The following RANBP17 variants were observed in gnomAD, a reference collection of about 807,000 sequenced individuals.
RANBP17 encodes RAN binding protein 17, also known as ran-binding protein 17.
RANBP17 carries 158 observed loss-of-function variants against 141.2 expected under a neutral mutation model. The observed-to-expected ratio is 1.12, with a 90% CI of 0.98 to 1.28. RANBP17 has a LOEUF of 1.28. Ranked by LOEUF, RANBP17 falls within the 50% of genes most tolerant of loss-of-function variation. The pLI, the probability that RANBP17 is intolerant of heterozygous loss-of-function variation, is 0.00. For synonymous variants in RANBP17, 430 were observed against 450.0 expected (o/e 0.96, Z 0.56); for missense variants, 1,438 against 1,290.7 (o/e 1.11, Z -1.75).
chr5:171,002,095 G>C (rs1214604224), intron 14 of RANBP17, among the ~76,000 whole-genome samples: 1 of 152,184 alleles, frequency 6.6e-6, no homozygotes, highest in African/African-American at 2.4e-5. Context: ...CTTAGGGATA[G>C]ACCTCCACAA....
chr5:171,141,241 C>T (rs1176367950), intron 14 of RANBP17, among the ~76,000 whole-genome samples: 4 of 151,986 alleles, frequency 2.6e-5, no homozygotes, highest in Non-Finnish European at 4.4e-5. Flanking sequence ...AAAGTATACT[C>T]AGACTTACAA....
chr5:171,145,183 G>A (rs1464945186), intron 14 of RANBP17, among the ~76,000 whole-genome samples: 1 of 152,152 alleles, frequency 6.6e-6, no homozygotes, highest in Non-Finnish European at 1.5e-5. Context: ...TAGTAAGTAA[G>A]CTTAGCAGTG....
chr5:170,904,297 A>C, intron 5 of RANBP17: 1 of 258,394 alleles, frequency 3.9e-6, no homozygotes, highest in East Asian at 9.9e-5. Flanking sequence ...ACAAGAAAAA[A>C]GCTCACCTTC....
At chr5:171,071,128 T>TA (rs950730391) in intron 14 of RANBP17, among the ~76,000 whole-genome samples, 1 of 152,136 alleles carries the variant, frequency 6.6e-6, no homozygotes, top group African/African-American at 2.4e-5. Context: ...CAGCAAAACA[T>TA]ACAGTTCATG....
At chr5:171,020,549 G>A (rs879003747) in intron 14 of RANBP17, among the ~76,000 whole-genome samples, 1 of 150,114 alleles carries the variant, frequency 6.7e-6, no homozygotes, top group Admixed American at 6.6e-5. Context: ...TTTGGTCTTT[G>A]TTGTTTTAAA....
rs550939327 is a variant in RANBP17 at position 171,062,345 on chromosome 5, G to C, written c.1710+93968G>C. Among the ~76,000 whole-genome samples, 36 of 152,282 alleles carry C rather than the reference G, an allele frequency of 2.4e-4. 1 individual carries two copies. Among genetic ancestry groups the C allele is most frequent in the African/African-American group, 8.7e-4 (36 of 41,570 alleles). On this transcript the variant is annotated intron_variant, in intron 14 of 27. Coordinates refer to ENST00000523189, the MANE Select transcript of RANBP17 (RefSeq NM_022897.5). ...GTGCTTCCTTCAGGAGCTCTTGTAG[G>C]GCAGGCCTAGTGGTGACAAAATCTC...
rs572435373 is a variant in RANBP17 at position 171,152,250 on chromosome 5, T to TAA, written c.1711-17869_1711-17868dup. Among the ~76,000 whole-genome samples the TAA allele has an allele frequency of 1.3e-3, 180 of 137,868 alleles. 9 individuals carry two copies. In the South Asian group the frequency reaches 0.04, roughly 31 times the overall value. The allele number at this position is 137,868 out of a possible 152,430, so 90.4% of individuals were successfully genotyped here. The stretch of plus-strand genomic sequence containing the variant: ...CAACATGGTGAAACTTCATCTCTAC[T>TAA]AAAAAAAAAAAAGTAAAAAATTAGC... On this transcript the variant is annotated intron_variant, in intron 14 of 27. Transcript: ENST00000523189.
At chr5:171,148,945 G>A (rs534803067) in intron 14 of RANBP17, among the ~76,000 whole-genome samples, 2 of 152,236 alleles carry the variant, frequency 1.3e-5, no homozygotes, top group South Asian at 2.1e-4. Context: ...CTCAGTAAAC[G>A]ATAGCTGTTC....
intron 16 of RANBP17, among the ~76,000 whole-genome samples, chr5:171,176,629 A>C (rs776457553): frequency 9.2e-5 from 14 of 152,180 alleles, no homozygotes; most frequent in Non-Finnish European, 1.8e-4. Context: ...CTTCTGTTTA[A>C]ATTTAACTCA....
chr5:171,133,448 C>G (rs1027709160), intron 14 of RANBP17, among the ~76,000 whole-genome samples: 2 of 152,044 alleles, frequency 1.3e-5, no homozygotes, highest in Non-Finnish European at 2.9e-5. Flanking sequence ...TCATGCATTT[C>G]AAGTATCATT....
At position 171,121,016 on chromosome 5, in the gene RANBP17, G is replaced by GCGTA. The variant is rs550666899; in HGVS notation, c.1711-49114_1711-49113insCGTA. 2.6e-3 allele frequency among the ~76,000 whole-genome samples: 390 copies of GCGTA among 152,334 alleles called. 2 individuals carry two copies. Among genetic ancestry groups the GCGTA allele is most frequent in the African/African-American group, 8.7e-3 (363 of 41,584 alleles). On this transcript the variant is annotated intron_variant, in intron 14 of 27. Coordinates refer to ENST00000523189, the MANE Select transcript of RANBP17 (RefSeq NM_022897.5). ...TTTAGCTGTAATCCACGCTAGTCGT[G>GCGTA]TATGCAAGTGTCTCAATGGCCTAGA...
Position 170,911,044 on chromosome 5 carries a change from A to AG in RANBP17, c.670_671insG (p.Asn224ArgfsTer4). ...AATGCAGGTCTTGAAACTGGTCCTT[A>AG]ACTGCCTTAACTTTGACTTCATTGG... On this transcript the variant is annotated frameshift_variant, in exon 7 of 28. Coordinates refer to ENST00000523189, the MANE Select transcript of RANBP17 (RefSeq NM_022897.5). LOFTEE classifies it high-confidence loss of function. The AG allele has an allele frequency of 6.2e-7, 1 of 1,612,302 alleles. No homozygotes were observed. The highest frequency in any genetic ancestry group is 8.5e-7 in the Non-Finnish European group (1 of 1,178,794).
chr5:171,281,312 A>G (rs1231216640), intron 25 of RANBP17, among the ~76,000 whole-genome samples: 2 of 152,246 alleles, frequency 1.3e-5, no homozygotes, highest in African/African-American at 4.8e-5. Flanking sequence ...GCACCAAGGC[A>G]ACCTACCAGA....
chr5:171,215,978 C>T (rs1763191443), intron 21 of RANBP17, among the ~76,000 whole-genome samples: 1 of 152,076 alleles, frequency 6.6e-6, no homozygotes, highest in Admixed American at 6.6e-5. Context: ...GAAGTCTTTG[C>T]CCATGCCTAT....
At chr5:171,198,885 A>G (rs1358838159) in intron 18 of RANBP17, among the ~76,000 whole-genome samples, 1 of 152,240 alleles carries the variant, frequency 6.6e-6, no homozygotes, top group Non-Finnish European at 1.5e-5. Context: ...GTGACTTAGG[A>G]TGAATGAGTG....
chr5:171,126,294 A>T (rs1055727632), intron 14 of RANBP17, among the ~76,000 whole-genome samples: 1 of 152,158 alleles, frequency 6.6e-6, no homozygotes, highest in South Asian at 2.1e-4. Flanking sequence ...AACAAAACAT[A>T]CCAAAACCTA....
At chr5:170,995,162 T>G (rs1159943842) in intron 14 of RANBP17, among the ~76,000 whole-genome samples, 2 of 152,122 alleles carry the variant, frequency 1.3e-5, no homozygotes, top group Non-Finnish European at 2.9e-5. Flanking sequence ...TCTTACGTGG[T>G]GATTTTATGT....
At chr5:170,922,172 A>C (rs1259185844) in intron 11 of RANBP17, among the ~76,000 whole-genome samples, 2 of 152,158 alleles carry the variant, frequency 1.3e-5, no homozygotes, top group East Asian at 3.9e-4. Context: ...CATAACAGCA[A>C]ATATTGCTGC....
In RANBP17 at chr5:171,252,277, G is replaced by A. The variant is rs537888353; in HGVS notation, c.2776+9457G>A. 8 of 1,553,232 alleles carry A rather than the reference G, an allele frequency of 5.2e-6. No individual in the cohort carries two copies. The South Asian group carries it at 6.9e-5, about 13-fold the overall frequency. On this transcript the variant is annotated intron_variant, in intron 24 of 27. Coordinates refer to ENST00000523189, the MANE Select transcript of RANBP17 (RefSeq NM_022897.5). ...AAAACAAAATGGCCGCTTACCTAATGGTAATATTAATAATGAAAATAATAA... is the reference window on the plus strand; with the variant it reads ...AAAACAAAATGGCCGCTTACCTAATAGTAATATTAATAATGAAAATAATAA...
Sources: gnomAD v4.1 joint callset for allele counts (sites outside exome capture counted in the v4.1 genomes callset) on GRCh38, gnomAD v4.1.1 for gene constraint, MANE v1.5 for transcripts, NCBI Gene and HGNC (gene_info 2026-07-23, HGNC 2026-07-21) for gene names.